SEC63: variants seen among roughly 807,000 people sequenced by gnomAD.
SEC63 encodes the protein SEC63 protein translocation regulator.
Under a neutral mutation model 116.2 loss-of-function variants are expected in SEC63, and 56 were observed. The ratio of observed to expected loss-of-function variants is 0.48; its 90% CI spans 0.39 to 0.60. The LOEUF (loss-of-function observed/expected upper bound fraction) is 0.60. Among genes scored for constraint, SEC63 ranks in the 20% least tolerant of loss-of-function variants. The pLI is 0.00. For missense variants in SEC63, 668 were observed against 900.0 expected (o/e 0.74, Z 3.30); for synonymous variants, 273 against 294.6 (o/e 0.93, Z 0.75).
intron 1 of SEC63, among the ~76,000 whole-genome samples, chr6:107,934,186 T>C (rs914996055): frequency 4.1e-4 from 61 of 149,372 alleles, no homozygotes; most frequent in Non-Finnish European, 8.0e-4. Context: ...CCACCCATCG[T>C]CTGGGACGTG....
intron 1 of SEC63, chr6:107,957,363 G>C (rs1174595304): frequency 6.6e-6 from 1 of 152,310 alleles, no homozygotes; most frequent in Non-Finnish European, 1.5e-5. Flanking sequence ...GAAGTGACGG[G>C]GGTAGGCGGT....
chr6:107,946,774 C>T (rs2744212), intron 1 of SEC63, among the ~76,000 whole-genome samples: 1,776 of 152,222 alleles, frequency 0.012, 28 homozygotes, highest in African/African-American at 0.039. Flanking sequence ...GAGGCTGAGG[C>T]GGGCGGATCA....
At chr6:107,895,721 T>C (rs1193432929) in intron 14 of SEC63, among the ~76,000 whole-genome samples, 2 of 150,366 alleles carry the variant, frequency 1.3e-5, no homozygotes, top group Non-Finnish European at 3.0e-5. Flanking sequence ...CAGGAGAAAA[T>C]ATAAATAATA....
chr6:107,955,878 G>A (rs908954670), intron 1 of SEC63: 1 of 209,470 alleles, frequency 4.8e-6, no homozygotes, highest in Non-Finnish European at 9.4e-6. Flanking sequence ...GTGAGACTCT[G>A]TCTCTAAATA....
chr6:107,924,297 G>A (rs187937445), intron 3 of SEC63, among the ~76,000 whole-genome samples: 9 of 147,394 alleles, frequency 6.1e-5, no homozygotes, highest in South Asian at 4.3e-4. Flanking sequence ...AATGTTAACC[G>A]GCCGGGCGCG....
chr6:107,882,867 CAG>C (rs1172325272), intron 17 of SEC63, 119 bp downstream of exon 17: 1 of 647,210 alleles, frequency 1.5e-6, no homozygotes, highest in Non-Finnish European at 2.7e-6. Flanking sequence ...ATAAAATATA[CAG>C]ATATTATTTA....
intron 16 of SEC63, among the ~76,000 whole-genome samples, chr6:107,886,844 G>GT (rs1562316146): frequency 1.4e-5 from 2 of 140,532 alleles, no homozygotes; most frequent in Non-Finnish European, 3.0e-5. Context: ...TGTTTTTTTG[G>GT]GTTTTTTTTT....
At chr6:107,922,561 A>G (rs182434531) in intron 3 of SEC63, among the ~76,000 whole-genome samples, 4 of 152,290 alleles carry the variant, frequency 2.6e-5, no homozygotes, top group Non-Finnish European at 5.9e-5. Flanking sequence ...AATAAATTAA[A>G]TCTGGCTCAA....
intron 16 of SEC63, 25 bp from the exon 17 acceptor site, chr6:107,883,171 G>A (rs1158897213): frequency 1.2e-6 from 2 of 1,609,514 alleles, no homozygotes; most frequent in Non-Finnish European, 1.7e-6. Flanking sequence ...CAAACACAAA[G>A]ATTCTGCATA....
At chr6:107,921,079 T>A (rs1787545468) in intron 4 of SEC63, among the ~76,000 whole-genome samples, 1 of 151,970 alleles carries the variant, frequency 6.6e-6, no homozygotes, top group Non-Finnish European at 1.5e-5. Context: ...GTGACGAAAT[T>A]CTAAAAAGAA....
intron 10 of SEC63, among the ~76,000 whole-genome samples, chr6:107,906,021 T>C (rs1036116406): frequency 6.6e-6 from 1 of 152,182 alleles, no homozygotes; most frequent in Non-Finnish European, 1.5e-5. Flanking sequence ...AATCTCATGT[T>C]GAATGGTAAT....
intron 7 of SEC63, chr6:107,911,110 C>A: frequency 3.9e-6 from 2 of 514,376 alleles, no homozygotes; most frequent in Middle Eastern, 5.3e-4. Flanking sequence ...ATTTTTTTTT[C>A]AGTTGGGGTC....
At chr6:107,887,110 G>A (rs1174239974) in intron 16 of SEC63, among the ~76,000 whole-genome samples, 1 of 152,134 alleles carries the variant, frequency 6.6e-6, no homozygotes, top group East Asian at 1.9e-4. Context: ...AGCTGCTGGA[G>A]AGGATGTGGA....
At chr6:107,874,785 C>T (rs974827975) in intron 19 of SEC63, among the ~76,000 whole-genome samples, 1 of 152,062 alleles carries the variant, frequency 6.6e-6, no homozygotes, top group Non-Finnish European at 1.5e-5. Flanking sequence ...AAGTGATCCT[C>T]CTGCCTCAGC....
In SEC63 at chr6:107,930,615, CA is replaced by C. The variant is rs954770153; in HGVS notation, c.125-1102del. 4.5e-4 allele frequency among the ~76,000 whole-genome samples: 62 copies of C among 139,122 alleles called. No homozygotes were observed. In the East Asian group the frequency reaches 5.4e-3, roughly 12 times the overall value. 91.3% of individuals were successfully genotyped at this position (139,122 alleles called of 152,430 possible). A position where few individuals can be genotyped will look rare whatever the true frequency, so the allele number is the denominator to read the frequency against. On this transcript the variant is annotated intron_variant, in intron 1 of 20. Transcript: ENST00000369002. The stretch of plus-strand genomic sequence containing the variant: ...AGAGTGAAACTCTGTCTCAAACAAA[CA>C]AAAAAAAAAAGTAGAGTAAAATTCA...
chr6:107,909,012 T>G lies in SEC63; in HGVS notation c.648A>C (p.Ile216=). The G allele has an allele frequency of 6.2e-7, 1 of 1,612,074 alleles. No homozygotes were observed. The highest frequency in any genetic ancestry group is 8.5e-7 in the Non-Finnish European group (1 of 1,178,570). Residue 216 remains isoleucine, a synonymous_variant, in exon 8 of 21, where the codon ATA becomes ATC. Coordinates refer to ENST00000369002, the MANE Select transcript of SEC63 (RefSeq NM_007214.5). ...VVVGSWWYRS[I]RYSGDQILIR... The stretch of plus-strand genomic sequence containing the variant: ...TTAGAATCTGGTCTCCACTATAGCG[T>G]ATTGAGCGATACCACCAAGAGCCCT...
In SEC63 at chr6:107,869,176, TTCAC is replaced by T. The variant is rs762659536; in HGVS notation, c.*2524_*2527del. On this transcript the variant is annotated 3_prime_UTR_variant, in exon 21 of 21. Coordinates refer to ENST00000369002, the MANE Select transcript of SEC63 (RefSeq NM_007214.5). ...GAAGGTATTGTTCTACACAGAGAAC[TTCAC>T]TCAATGTGCTCCCTAACTTAAAAAA... is the stretch of plus-strand genomic sequence containing the variant. 2.0e-5 allele frequency: 3 copies of T among 152,098 alleles called. No individual in the cohort carries two copies. Among genetic ancestry groups the T allele is most frequent in the East Asian group, 3.9e-4 (2 of 5,182 alleles). The allele number at this position is 152,098 out of a possible 1,614,324, so 9.4% of individuals were successfully genotyped here.
chr6:107,913,900 T>C (rs563938826), intron 4 of SEC63, among the ~76,000 whole-genome samples: 6 of 152,230 alleles, frequency 3.9e-5, no homozygotes, highest in Admixed American at 6.5e-5. Flanking sequence ...CACAAAACAA[T>C]AGCACCACAT....
intron 1 of SEC63, among the ~76,000 whole-genome samples, chr6:107,930,978 C>G (rs1787793145): frequency 6.6e-6 from 1 of 151,412 alleles, no homozygotes; most frequent in African/African-American, 2.4e-5. Flanking sequence ...GAATAAAACT[C>G]CATCTCAAAG....
Sources: allele counts gnomAD v4.1 joint callset (sites outside exome capture counted in the v4.1 genomes callset), GRCh38; gene constraint gnomAD v4.1.1; transcripts MANE v1.5; gene names NCBI Gene and HGNC (gene_info 2026-07-23, HGNC 2026-07-21).